IL2: variants seen among roughly 807,000 people sequenced by gnomAD.
IL2 encodes the protein interleukin-2.
A neutral mutation model predicts 14.6 loss-of-function variants in IL2; 3 were observed. The ratio of observed to expected loss-of-function variants is 0.21; its 90% CI spans 0.09 to 0.53. IL2 has a LOEUF of 0.53. IL2 is among the 20% of genes least tolerant of loss of function. The probability of loss-of-function intolerance (pLI) is 0.95; values close to 1 mark genes in which losing one functional copy is unlikely to be tolerated. For synonymous variants in IL2, 71 were observed against 60.0 expected, an observed-to-expected ratio of 1.18 and a Z score of -0.85; for missense variants, 125 against 170.8, an observed-to-expected ratio of 0.73 and a Z score of 1.50.
At chr4:122,453,996 A>C (rs990919774) in intron 2 of IL2, 143 bp from the exon 3 acceptor site, 1 of 681,180 alleles carries the variant, frequency 1.5e-6, no homozygotes, top group Admixed American at 3.3e-5. Context: ...GGACCAGTAG[A>C]GTTTACATTA....
Position 122,456,501 on chromosome 4 carries a change from A to G in IL2, c.-61T>C. On this transcript the variant is annotated 5_prime_UTR_variant, in exon 1 of 4. Coordinates refer to ENST00000226730, the MANE Select transcript of IL2 (RefSeq NM_000586.4). ...AAAGAGAGTGATAGGGAACTCTTGA[A>G]CAAGAGATGCAATTTATACTGTTAA... 7.6e-7 allele frequency: 1 copy of G among 1,319,816 alleles called. No individual in the cohort carries two copies. Among genetic ancestry groups the G allele is most frequent in the Non-Finnish European group, 1.1e-6 (1 of 950,346 alleles). The allele number at this position is 1,319,816 out of a possible 1,614,324, so 81.8% of individuals were successfully genotyped here.
chr4:122,455,477 A>G (rs760638903), intron 2 of IL2, among the ~76,000 whole-genome samples: 3 of 152,006 alleles, frequency 2.0e-5, no homozygotes, highest in Non-Finnish European at 4.4e-5. Context: ...TGAAAATTTT[A>G]TCTTTAATAC....
At chr4:122,456,271 A>G in intron 1 of IL2, 23 bp downstream of exon 1, 1 of 1,598,684 alleles carries the variant, frequency 6.3e-7, no homozygotes, top group South Asian at 1.1e-5. Flanking sequence ...TAATAATTTT[A>G]GTAAGAAAGG....
In IL2 at chr4:122,453,696, A is replaced by C. The variant is rs1187230218; in HGVS notation, c.351+14T>G. On this transcript the variant is annotated intron_variant, in intron 3 of 3. Coordinates refer to ENST00000226730, the MANE Select transcript of IL2 (RefSeq NM_000586.4). ...TTTTTTATTTCCAGGAGAGCAAATAAAGTAATGCCTTACCTTTAGTTCCAG... is the reference window on the plus strand; with the variant it reads ...TTTTTTATTTCCAGGAGAGCAAATACAGTAATGCCTTACCTTTAGTTCCAG... The C allele has an allele frequency of 1.9e-6, 3 of 1,581,560 alleles. No individual in the cohort carries two copies. The highest frequency in any genetic ancestry group is 2.6e-6 in the Non-Finnish European group (3 of 1,167,378).
rs1468285879 is a variant in IL2, at chr4:122,456,047, T to A, written c.207+97A>T. Reference sequence around the variant, plus strand: ...AAAAAAACAAATTAAAGTTACTCTTTACCTCAGATGAGCTGCTATTAGTCC... The same window carrying A: ...AAAAAAACAAATTAAAGTTACTCTTAACCTCAGATGAGCTGCTATTAGTCC... On this transcript the variant is annotated intron_variant, in intron 2 of 3. Transcript: ENST00000226730. 4.8e-6 allele frequency: 4 copies of A among 831,000 alleles called. No individual in the cohort carries two copies. In the East Asian group the frequency reaches 1.0e-4, roughly 21 times the overall value. The allele number at this position is 831,000 out of a possible 1,614,324, so 51.5% of individuals were successfully genotyped here.
chr4:122,452,263 C>G (rs1255637716), intron 3 of IL2, among the ~76,000 whole-genome samples: 1 of 151,824 alleles, frequency 6.6e-6, no homozygotes, highest in African/African-American at 2.4e-5. Flanking sequence ...GCACATTATA[C>G]TTTCTTCTTT....
chr4:122,453,637 CT>C, intron 3 of IL2, 72 bp downstream of exon 3: 1 of 1,328,066 alleles, frequency 7.5e-7, no homozygotes, highest in Non-Finnish European at 1.0e-6. Context: ...TGTTATGTCA[CT>C]TTAAAATGTG....
intron 2 of IL2, among the ~76,000 whole-genome samples, chr4:122,454,159 A>G (rs1472564232): frequency 6.6e-6 from 1 of 151,904 alleles, no homozygotes; most frequent in Non-Finnish European, 1.5e-5. Flanking sequence ...TCCAATCTGC[A>G]TAGAAAATCA....
chr4:122,452,284 G>A (rs570352560), intron 3 of IL2, among the ~76,000 whole-genome samples: 1 of 152,028 alleles, frequency 6.6e-6, no homozygotes, highest in African/African-American at 2.4e-5. Flanking sequence ...TCTAAATCTT[G>A]ATTAGAGTCT....
At position 122,451,847 on chromosome 4, in the gene IL2, A is replaced by G; in HGVS notation, c.367T>C (p.Phe123Leu). ...VLELKGSETT[F>L]MCEYADETAT... ...GTCTCATCAGCATATTCACACATGA[A>G]TGTTGTTTCAGATCCCTATAAAAGA... is the stretch of plus-strand genomic sequence containing the variant. The change falls in exon 4 of 4, where the codon TTC becomes CTC. Residue 123 changes from phenylalanine to leucine, a missense_variant. By Grantham distance (22) the Phe-to-Leu change is conservative. Coordinates refer to ENST00000226730, the MANE Select transcript of IL2 (RefSeq NM_000586.4). 1 of 1,575,594 alleles carries G rather than the reference A, an allele frequency of 6.3e-7. No individual in the cohort carries two copies. The highest frequency in any genetic ancestry group is 8.7e-7 in the Non-Finnish European group (1 of 1,155,126).
In IL2 at chr4:122,456,315, CTG is replaced by C; in HGVS notation, c.124_125del (p.Gln42AspfsTer7). 1 of 1,610,516 alleles carries C rather than the reference CTG, an allele frequency of 6.2e-7. No individual in the cohort carries two copies. The highest frequency in any genetic ancestry group is 8.5e-7 in the Non-Finnish European group (1 of 1,177,442). ...LQLEHLLLDL[Q>X]MILNGINNYK... ...TTACATTAATTCCATTCAAAATCATCTGTAAATCCAGCAGTAAATGCTCCAGT... is the reference window on the plus strand; with the variant it reads ...TTACATTAATTCCATTCAAAATCATCTAAATCCAGCAGTAAATGCTCCAGT... On this transcript the variant is annotated frameshift_variant, in exon 1 of 4. Coordinates refer to ENST00000226730, the MANE Select transcript of IL2 (RefSeq NM_000586.4). LOFTEE classifies it high-confidence loss of function.
intron 2 of IL2, 128 bp from the exon 3 acceptor site, chr4:122,453,981 A>G: frequency 1.3e-6 from 1 of 771,486 alleles, no homozygotes; most frequent in Non-Finnish European, 2.0e-6. Flanking sequence ...TGTCACTGTA[A>G]AGATGGACCA....
Position 122,456,437 on chromosome 4 carries a change from A to G in IL2, c.4T>C (p.Tyr2His). The G allele has an allele frequency of 6.2e-7, 1 of 1,606,508 alleles. No homozygotes were observed. Among genetic ancestry groups the G allele is most frequent in the African/African-American group, 1.3e-5 (1 of 74,854 alleles). The change falls in exon 1 of 4, where the codon TAC becomes CAC. Residue 2 changes from tyrosine (Y) to histidine (H), a missense_variant. Tyr to His is a moderately conservative substitution (Grantham distance 83). Transcript: ENST00000226730. M[Y>H]RMQLLSCIAL... ...ATGCAAGACAGGAGTTGCATCCTGT[A>G]CATTGTGGCAGGAGTTGAGGTTACT...
chr4:122,453,843 A>G lies in IL2; in HGVS notation c.218T>C (p.Leu73Pro), dbSNP rs759849798. 3 of 1,607,990 alleles carry G rather than the reference A, an allele frequency of 1.9e-6. No homozygotes were observed. In the Admixed American group the frequency reaches 5.1e-5, roughly 27 times the overall value. Residue 73 changes from leucine to proline, a missense_variant, in exon 3 of 4, where the codon CTG becomes CCG. By Grantham distance (98) the Leu-to-Pro change is moderately conservative. Coordinates refer to ENST00000226730, the MANE Select transcript of IL2 (RefSeq NM_000586.4). ...KFYMPKKATE[L>P]KHLQCLEEEL... ...TTCTTCTAGACACTGAAGATGTTTC[A>G]GTTCTGTGGCCTAGAATAATAATTA...
At chr4:122,452,493 A>C (rs971670734) in intron 3 of IL2, among the ~76,000 whole-genome samples, 3 of 151,984 alleles carry the variant, frequency 2.0e-5, no homozygotes, top group African/African-American at 7.2e-5. Context: ...AACATTAGAA[A>C]TTTTGTTCTG....
At position 122,456,185 on chromosome 4, in the gene IL2, G is replaced by C; in HGVS notation, c.166C>G (p.Leu56Val). The part of the protein sequence containing the change: ...NGINNYKNPK[L>V]TRMLTFKFYM... ...AACTTAAATGTGAGCATCCTGGTGAGTTTGGGATTCTTGTAATTCTAAGAA... is the reference window on the plus strand; with the variant it reads ...AACTTAAATGTGAGCATCCTGGTGACTTTGGGATTCTTGTAATTCTAAGAA... The change falls in exon 2 of 4, where the codon CTC (leucine) becomes GTC (valine). Residue 56 changes from leucine (L) to valine (V), a missense_variant. Transcript: ENST00000226730. 6.2e-7 allele frequency: 1 copy of C among 1,609,144 alleles called. No homozygotes were observed.
chr4:122,451,718 G>T lies in IL2; in HGVS notation c.*34C>A, dbSNP rs764240155. ...ATTTAAATATTTAAATAAATAGAAG[G>T]CCTGATATGTTTTAAGTGGGAAGCA... On this transcript the variant is annotated 3_prime_UTR_variant, in exon 4 of 4. Transcript: ENST00000226730. 6 of 787,412 alleles carry T rather than the reference G, an allele frequency of 7.6e-6. No individual in the cohort carries two copies. Among genetic ancestry groups the T allele is most frequent in the Non-Finnish European group, 1.2e-5 (6 of 508,624 alleles). 48.8% of individuals were successfully genotyped at this position (787,412 alleles called of 1,614,324 possible).
rs372813736 is a variant in IL2 at position 122,456,150 on chromosome 4, G to A, written c.201C>T (p.Pro67=). The change falls in exon 2 of 4, where the codon CCC becomes CCT. Residue 67 remains proline (P), a synonymous_variant. Transcript: ENST00000226730. ...TRMLTFKFYM[P]KKATELKHLQ... ...CATAAAATATTGTACTTACCTTCTT[G>A]GGCATGTAAAACTTAAATGTGAGCA... 4 of 1,597,340 alleles carry A rather than the reference G, an allele frequency of 2.5e-6. No homozygotes were observed. Among genetic ancestry groups the A allele is most frequent in the Non-Finnish European group, 3.4e-6 (4 of 1,166,466 alleles).
In IL2 at chr4:122,456,443, T is replaced by A; in HGVS notation, c.-3A>T. 1 of 1,604,794 alleles carries A rather than the reference T, an allele frequency of 6.2e-7. No individual in the cohort carries two copies. Among genetic ancestry groups the A allele is most frequent in the Non-Finnish European group, 8.5e-7 (1 of 1,173,780 alleles). Reference sequence around the variant, plus strand: ...GACAGGAGTTGCATCCTGTACATTGTGGCAGGAGTTGAGGTTACTGTGAGT... The same window carrying A: ...GACAGGAGTTGCATCCTGTACATTGAGGCAGGAGTTGAGGTTACTGTGAGT... On this transcript the variant is annotated 5_prime_UTR_variant, in exon 1 of 4. Transcript: ENST00000226730.
Sources: gnomAD v4.1 joint callset for allele counts (sites outside exome capture counted in the v4.1 genomes callset) on GRCh38, gnomAD v4.1.1 for gene constraint, MANE v1.5 for transcripts, NCBI Gene and HGNC (gene_info 2026-07-23, HGNC 2026-07-21) for gene names.